The following ARFGEF3 variants were observed in gnomAD, a reference collection of about 807,000 sequenced individuals.
The protein encoded by ARFGEF3 is ARFGEF family member 3.
Under a neutral mutation model 221.7 loss-of-function variants are expected in ARFGEF3, and 96 were observed. The observed-to-expected ratio is 0.43, with a 90% CI of 0.37 to 0.51. The LOEUF is 0.51. Ranked by LOEUF, ARFGEF3 falls within the 20% of genes least tolerant of loss-of-function variation. The pLI is 0.00. For missense variants in ARFGEF3, 2,410 were observed against 2,789.9 expected, an observed-to-expected ratio of 0.86 and a Z score of 3.07; for synonymous variants, 1,145 against 1,126.8, an observed-to-expected ratio of 1.02 and a Z score of -0.32.
intron 12 of ARFGEF3, 40 bp downstream of exon 12, chr6:138,263,651 T>C (rs1489846053): frequency 2.0e-6 from 3 of 1,525,936 alleles, no homozygotes. Context: ...AACAAGATTA[T>C]TCAGAGCAGT....
chr6:138,299,532 C>T lies in ARFGEF3; in HGVS notation c.3828+747C>T, dbSNP rs568538133. Among the ~76,000 whole-genome samples, 26 of 152,242 alleles carry T rather than the reference C, an allele frequency of 1.7e-4. 1 individual carries two copies. Among genetic ancestry groups the T allele is most frequent in the East Asian group, 1.4e-3 (7 of 5,178 alleles). Reference sequence around the variant, plus strand: ...CTCTCTCTCTGAAGTCCACCAAAAACGTTGAATAGAGGTTTAAACATTTCT... The same window carrying T: ...CTCTCTCTCTGAAGTCCACCAAAAATGTTGAATAGAGGTTTAAACATTTCT... On this transcript the variant is annotated intron_variant, in intron 22 of 33. Transcript: ENST00000251691.
At chr6:138,239,757 A>T (rs1778359618) in intron 6 of ARFGEF3, among the ~76,000 whole-genome samples, 1 of 152,040 alleles carries the variant, frequency 6.6e-6, no homozygotes, top group Non-Finnish European at 1.5e-5. Context: ...AACTATTTGT[A>T]ATTATTTTTA....
chr6:138,333,904 T>G (rs939198730), intron 32 of ARFGEF3, 66 bp from the exon 33 acceptor site: 1 of 1,510,136 alleles, frequency 6.6e-7, no homozygotes. Context: ...GTAACGTCTA[T>G]ATTGCTTTGA....
intron 28 of ARFGEF3, among the ~76,000 whole-genome samples, chr6:138,320,566 T>C (rs1780005689): frequency 6.6e-6 from 1 of 152,146 alleles, no homozygotes; most frequent in Non-Finnish European, 1.5e-5. Context: ...TGGCATATCA[T>C]GGTGTAAGGG....
rs1314393938 is a variant in ARFGEF3 at position 138,325,102 on chromosome 6, T to C, written c.5001+948T>C. ...TATTTTGCATATGCCTATGTATGTG[T>C]ATGCATGGTATGTATTTAAAATATT... On this transcript the variant is annotated intron_variant, in intron 31 of 33. Coordinates refer to ENST00000251691, the MANE Select transcript of ARFGEF3 (RefSeq NM_020340.5). Among the ~76,000 whole-genome samples the C allele has an allele frequency of 3.3e-5, 5 of 152,370 alleles. No individual in the cohort carries two copies. The East Asian group carries it at 9.6e-4, about 29-fold the overall frequency.
Position 138,278,488 on chromosome 6 carries a change from C to T in ARFGEF3, c.2166C>T (p.Ser722=). Residue 722 remains serine, a synonymous_variant, in exon 13 of 34, where the codon AGC becomes AGT. Coordinates refer to ENST00000251691, the MANE Select transcript of ARFGEF3 (RefSeq NM_020340.5). ...MHSPGFDGNS[S]LSFQMLMNAD... ...CTCCTGGCTTTGACGGGAATAGCAGCCTCAGCTTCCAGATGCTGATGAACG... is the reference window on the plus strand; with the variant it reads ...CTCCTGGCTTTGACGGGAATAGCAGTCTCAGCTTCCAGATGCTGATGAACG... 6.2e-7 allele frequency: 1 copy of T among 1,614,006 alleles called. No homozygotes were observed. The highest frequency in any genetic ancestry group is 8.5e-7 in the Non-Finnish European group (1 of 1,179,896).
intron 4 of ARFGEF3, among the ~76,000 whole-genome samples, chr6:138,222,411 T>C (rs1777998606): frequency 6.6e-6 from 1 of 152,196 alleles, no homozygotes; most frequent in Non-Finnish European, 1.5e-5. Flanking sequence ...CTACAAGGCA[T>C]GTGGGACAGA....
intron 4 of ARFGEF3, among the ~76,000 whole-genome samples, chr6:138,211,958 G>A (rs1009160271): frequency 2.6e-5 from 4 of 152,132 alleles, no homozygotes; most frequent in African/African-American, 9.7e-5. Flanking sequence ...TAATGTCTGG[G>A]AGGAAAGTCA....
intron 32 of ARFGEF3, among the ~76,000 whole-genome samples, chr6:138,330,891 TC>T (rs10706090): frequency 0.15 from 22,788 of 152,196 alleles, 2,954 homozygotes; most frequent in African/African-American, 0.36. Context: ...CTAGCCCGTT[TC>T]CCTCAACCAC....
Position 138,301,042 on chromosome 6 carries a change from A to G in ARFGEF3, c.3828+2257A>G, listed in dbSNP as rs563271224. On this transcript the variant is annotated intron_variant, in intron 22 of 33. Transcript: ENST00000251691. ...AAAACAAAAGTTTAAAAAACAAACA[A>G]TAAACACACACAGGAACCCAGATAT... Among the ~76,000 whole-genome samples, 11 of 152,368 alleles carry G rather than the reference A, an allele frequency of 7.2e-5. No homozygotes were observed. The East Asian group carries it at 1.9e-3, about 27-fold the overall frequency.
chr6:138,187,889 T>A (rs576985205), intron 2 of ARFGEF3, among the ~76,000 whole-genome samples: 2 of 152,204 alleles, frequency 1.3e-5, no homozygotes, highest in East Asian at 3.9e-4. Flanking sequence ...CAAGCACTCT[T>A]AATTTTCCTC....
intron 4 of ARFGEF3, among the ~76,000 whole-genome samples, chr6:138,213,950 T>G (rs911729756): frequency 1.3e-5 from 2 of 152,228 alleles, no homozygotes; most frequent in Non-Finnish European, 2.9e-5. Flanking sequence ...GGCTCCATAA[T>G]CATTTGCTAT....
At chr6:138,185,721 G>A (rs1777170419) in intron 2 of ARFGEF3, among the ~76,000 whole-genome samples, 1 of 152,170 alleles carries the variant, frequency 6.6e-6, no homozygotes, top group South Asian at 2.1e-4. Context: ...GCATGCAGAT[G>A]CATATTAGAG....
intron 2 of ARFGEF3, among the ~76,000 whole-genome samples, chr6:138,194,262 C>T (rs1435074859): frequency 2.1e-5 from 3 of 144,174 alleles, no homozygotes; most frequent in African/African-American, 5.2e-5. Context: ...AGCAAGACTC[C>T]GTCTCCAAAA....
intron 2 of ARFGEF3, among the ~76,000 whole-genome samples, chr6:138,175,881 C>CT (rs1776935343): frequency 1.3e-5 from 2 of 152,128 alleles, no homozygotes; most frequent in Non-Finnish European, 2.9e-5. Flanking sequence ...GTGTCTATCT[C>CT]TTTCTTTAGG....
At chr6:138,252,767 C>A (rs536028500) in intron 8 of ARFGEF3, among the ~76,000 whole-genome samples, 4 of 152,330 alleles carry the variant, frequency 2.6e-5, no homozygotes, top group Admixed American at 6.5e-5. Context: ...TCCCATCCCA[C>A]ATTACTGAGT....
At chr6:138,256,798 A>ATTTG (rs1248935527) in intron 10 of ARFGEF3, among the ~76,000 whole-genome samples, 1 of 151,384 alleles carries the variant, frequency 6.6e-6, no homozygotes, top group East Asian at 1.9e-4. Flanking sequence ...TTATTTATTT[A>ATTTG]TTTTGAGACA....
At chr6:138,257,938 A>G (rs1236828991) in intron 10 of ARFGEF3, among the ~76,000 whole-genome samples, 1 of 152,230 alleles carries the variant, frequency 6.6e-6, no homozygotes, top group Non-Finnish European at 1.5e-5. Flanking sequence ...ACTTATTGCT[A>G]TTCTAAGGAA....
rs1780303474 is a variant in ARFGEF3, at chr6:138,335,317, C to T, written c.6342+129C>T. 5 of 916,806 alleles carry T rather than the reference C, an allele frequency of 5.5e-6. No homozygotes were observed. The South Asian group carries it at 8.3e-5, about 15-fold the overall frequency. 56.8% of individuals were successfully genotyped at this position (916,806 alleles called of 1,614,324 possible). The stretch of plus-strand genomic sequence containing the variant: ...CAGGTAGGGGGTATGAACCGATTTC[C>T]CTCCAAAGTCAGAGGACTGCCTGAA... On this transcript the variant is annotated intron_variant, in intron 33 of 33. Transcript: ENST00000251691.
Sources: gnomAD v4.1 joint callset for allele counts (sites outside exome capture counted in the v4.1 genomes callset) on GRCh38, gnomAD v4.1.1 for gene constraint, MANE v1.5 for transcripts, NCBI Gene and HGNC (gene_info 2026-07-23, HGNC 2026-07-21) for gene names.